Variants in TRIM45 observed in about 807,000 individuals in gnomAD.
The protein encoded by TRIM45 is E3 ubiquitin-protein ligase TRIM45.
TRIM45 carries 45 observed loss-of-function variants against 46.7 expected under a neutral mutation model. The ratio of observed to expected loss-of-function variants is 0.96; its 90% CI spans 0.76 to 1.24. The LOEUF (loss-of-function observed/expected upper bound fraction) is 1.24, where lower values mean the gene tolerates loss of function less well. TRIM45 is among the 50% of genes most tolerant of loss of function. TRIM45 has a pLI of 0.00. For missense variants in TRIM45, 680 were observed against 728.4 expected, an observed-to-expected ratio of 0.93 and a Z score of 0.77; for synonymous variants, 259 against 285.8, an observed-to-expected ratio of 0.91 and a Z score of 0.94.
Position 117,117,574 on chromosome 1 carries a change from A to G in TRIM45, c.1222+460T>C, listed in dbSNP as rs1650448067. 6.6e-6 allele frequency among the ~76,000 whole-genome samples: 1 copy of G among 152,204 alleles called. No homozygotes were observed. Among genetic ancestry groups the G allele is most frequent in the Non-Finnish European group, 1.5e-5 (1 of 68,046 alleles). On this transcript the variant is annotated intron_variant, in intron 2 of 5. Coordinates refer to ENST00000256649, the MANE Select transcript of TRIM45 (RefSeq NM_025188.4). The surrounding 1 kb of genome is among the most constrained non-coding windows in gnomAD (Gnocchi z 4.9). Reference sequence around the variant, plus strand: ...ATCCTTTTAAATGCCAGTAAAGTTGATGTGAACCAAAAAGGGCCTAAAGGA... The same window carrying G: ...ATCCTTTTAAATGCCAGTAAAGTTGGTGTGAACCAAAAAGGGCCTAAAGGA...
intron 1 of TRIM45, 40 bp downstream of exon 1, chr1:117,120,673 TC>T (rs748857417): frequency 6.5e-7 from 1 of 1,541,648 alleles, no homozygotes; most frequent in Non-Finnish European, 8.7e-7. Flanking sequence ...CTCTTTGTAA[TC>T]TGCTCTTAAG....
rs1368785164 is a variant in TRIM45 at position 117,115,106 on chromosome 1, A to G, written c.1467+469T>C. Among the ~76,000 whole-genome samples, 1 of 152,216 alleles carries G rather than the reference A, an allele frequency of 6.6e-6. No homozygotes were observed. The highest frequency in any genetic ancestry group is 1.5e-5 in the Non-Finnish European group (1 of 68,032). On this transcript the variant is annotated intron_variant, in intron 4 of 5. Transcript: ENST00000256649. The surrounding 1 kb of genome is among the most constrained non-coding windows in gnomAD (Gnocchi z 4.2). ...TAGTAACAGAAAAACCTATATGTAA[A>G]ACAGAGTAGAAAATTACATGAGCAG... is the stretch of plus-strand genomic sequence containing the variant.
rs1479989318 is a variant in TRIM45, at chr1:117,116,450, G to A, written c.1352+166C>T. On this transcript the variant is annotated intron_variant, in intron 3 of 5. Transcript: ENST00000256649. The surrounding 1 kb of genome is among the most constrained non-coding windows in gnomAD (Gnocchi z 4.6). ...GACAGGGTGTCCCTATGTTGCCCAG[G>A]CTGGTCTTGAACTCTTGGGCTTAAG... Among the ~76,000 whole-genome samples, 1 of 151,766 alleles carries A rather than the reference G, an allele frequency of 6.6e-6. No individual in the cohort carries two copies. Among genetic ancestry groups the A allele is most frequent in the Non-Finnish European group, 1.5e-5 (1 of 67,936 alleles).
Position 117,112,158 on chromosome 1 carries a change from AC to A in TRIM45, c.*146del. On this transcript the variant is annotated 3_prime_UTR_variant, in exon 6 of 6. Coordinates refer to ENST00000256649, the MANE Select transcript of TRIM45 (RefSeq NM_025188.4). The stretch of plus-strand genomic sequence containing the variant: ...CATCCACAAGTACAATCAGTGAATA[AC>A]TAACAAAAGAGCACTTGAACTCCAG... 1.3e-5 allele frequency: 5 copies of A among 387,496 alleles called. No homozygotes were observed. The highest frequency in any genetic ancestry group is 1.9e-4 in the Admixed American group (2 of 10,566). The allele number at this position is 387,496 out of a possible 1,614,324, so 24.0% of individuals were successfully genotyped here.
At position 117,116,684 on chromosome 1, in the gene TRIM45, T is replaced by G. The variant is rs1398964347; in HGVS notation, c.1284A>C (p.Ala428=). The change falls in exon 3 of 6, where the codon GCA becomes GCC. Residue 428 remains alanine (A), a synonymous_variant. Transcript: ENST00000256649. This position sits in a 1 kb window ranked among gnomAD's most constrained non-coding sequence, Gnocchi z 4.6. ...CTCCTCCCCTGCCCATGATTTCTCCTGCGGCATCCTTACAAAGCAGGGTGA... is the reference window on the plus strand; with the variant it reads ...CTCCTCCCCTGCCCATGATTTCTCCGGCGGCATCCTTACAAAGCAGGGTGA... ...ASFTLLCKDA[A]GEIMGRGGDN... is the part of the protein sequence containing the mutation. The G allele has an allele frequency of 6.2e-7, 1 of 1,614,146 alleles. No homozygotes were observed. Among genetic ancestry groups the G allele is most frequent in the Non-Finnish European group, 8.5e-7 (1 of 1,180,024 alleles).
intron 1 of TRIM45, among the ~76,000 whole-genome samples, chr1:117,119,942 A>G (rs997838131): frequency 3.3e-5 from 5 of 152,208 alleles, no homozygotes; most frequent in Admixed American, 6.5e-5. Context: ...ATGGAAGTAG[A>G]ACCCGAAACC....
rs1489280268 is a variant in TRIM45 at position 117,116,708 on chromosome 1, GAA to G, written c.1258_1259del (p.Phe420HisfsTer5). On this transcript the variant is annotated frameshift_variant, in exon 3 of 6. Transcript: ENST00000256649. LOFTEE classifies it high-confidence loss of function. This position sits in a 1 kb window ranked among gnomAD's most constrained non-coding sequence, Gnocchi z 4.6. ...HRAREKQTAS[F>X]TLLCKDAAGE... ...CTGCGGCATCCTTACAAAGCAGGGT[GAA>G]AGAGGCCGTCTGTTTCTCCCGGGCT... 6.2e-7 allele frequency: 1 copy of G among 1,614,032 alleles called. No individual in the cohort carries two copies. The highest frequency in any genetic ancestry group is 1.3e-5 in the African/African-American group (1 of 74,912).
intron 1 of TRIM45, among the ~76,000 whole-genome samples, chr1:117,120,314 A>G (rs1301662682): frequency 6.6e-6 from 1 of 152,174 alleles, no homozygotes; most frequent in East Asian, 1.9e-4. Context: ...TGTTTCCCCA[A>G]TTAATAAATG....
In TRIM45 at chr1:117,120,778, C is replaced by T. The variant is rs937407945; in HGVS notation, c.424G>A (p.Glu142Lys). The change falls in exon 1 of 6, where the codon GAA becomes AAA. Residue 142 changes from glutamate to lysine, a missense_variant. This residue lies in a region of TRIM45 where 349 missense variants were observed against 343.6 expected (regional missense o/e 1.02). Transcript: ENST00000256649. ...CAGGTCTGACACCTCTTCTCTACTT[C>T]CCTGTCGTTGCACAGGTCACACACC... ...GLVCDLCNDR[E>K]VEKRCQTCKA... The T allele has an allele frequency of 1.3e-5, 21 of 1,614,028 alleles. No homozygotes were observed. The highest frequency in any genetic ancestry group is 4.0e-5 in the African/African-American group (3 of 74,912).
rs1032223326 is a variant in TRIM45, at chr1:117,118,892, ATC to A, written c.489-127_489-126del. On this transcript the variant is annotated intron_variant, in intron 1 of 5. Coordinates refer to ENST00000256649, the MANE Select transcript of TRIM45 (RefSeq NM_025188.4). The surrounding 1 kb of genome is among the most constrained non-coding windows in gnomAD (Gnocchi z 5.7). ...AACCTGATTTCAATTCCTTGCTCTA[ATC>A]TCTAATTGCATGAACCTCTCTGATT... 1 of 1,266,572 alleles carries A rather than the reference ATC, an allele frequency of 7.9e-7. No individual in the cohort carries two copies. Among genetic ancestry groups the A allele is most frequent in the African/African-American group, 1.5e-5 (1 of 66,770 alleles). The allele number at this position is 1,266,572 out of a possible 1,614,324, so 78.5% of individuals were successfully genotyped here. A position where few individuals can be genotyped will look rare whatever the true frequency, so the allele number is the denominator to read the frequency against.
Position 117,116,805 on chromosome 1 carries a change from A to C in TRIM45, c.1223-60T>G. 6 of 1,603,948 alleles carry C rather than the reference A, an allele frequency of 3.7e-6. No individual in the cohort carries two copies. The highest frequency in any genetic ancestry group is 4.3e-6 in the Non-Finnish European group (5 of 1,173,206). ...TGTAAACTGCAGTGACTACATCTCCATCTTGCTTTTTCTCTTCAGAACAAA... is the reference window on the plus strand; with the variant it reads ...TGTAAACTGCAGTGACTACATCTCCCTCTTGCTTTTTCTCTTCAGAACAAA... On this transcript the variant is annotated intron_variant, in intron 2 of 5. Transcript: ENST00000256649. The surrounding 1 kb of genome is among the most constrained non-coding windows in gnomAD (Gnocchi z 4.6).
Position 117,118,467 on chromosome 1 carries a change from G to A in TRIM45, c.789C>T (p.Asn263=). ...EEALAQIHII[N]SALQKRVEAV... is the part of the protein sequence containing the mutation. ...CCTCCACTCGCTTCTGGAGGGCACT[G>A]TTTATTATGTGGATCTGAGCCAGGG... The change falls in exon 2 of 6, where the codon AAC becomes AAT. Residue 263 remains asparagine (N), a synonymous_variant. Coordinates refer to ENST00000256649, the MANE Select transcript of TRIM45 (RefSeq NM_025188.4). This position sits in a 1 kb window ranked among gnomAD's most constrained non-coding sequence, Gnocchi z 5.7. 6 of 1,614,150 alleles carry A rather than the reference G, an allele frequency of 3.7e-6. No individual in the cohort carries two copies. The highest frequency in any genetic ancestry group is 2.2e-5 in the South Asian group (2 of 91,076).
chr1:117,113,400 C>A lies in TRIM45; in HGVS notation c.1553G>T (p.Gly518Val), dbSNP rs759464769. 1.2e-6 allele frequency: 2 copies of A among 1,612,296 alleles called. No homozygotes were observed. The highest frequency in any genetic ancestry group is 4.5e-5 in the East Asian group (2 of 44,886). The stretch of plus-strand genomic sequence containing the variant: ...ACAGGCGCAGCGAGCGGTTTTCTGG[C>A]CCCCGCTGGAGCAGAAGGTGCAGCA... ...FHCCTFCSSGGQKTARCACGG... is the reference protein window; with the variant it reads ...FHCCTFCSSGVQKTARCACGG... Residue 518 changes from glycine (G) to valine (V), a missense_variant, in exon 5 of 6, where the codon GGC becomes GTC. Gly to Val is a moderately radical substitution (Grantham distance 109, BLOSUM62 -3). Coordinates refer to ENST00000256649, the MANE Select transcript of TRIM45 (RefSeq NM_025188.4). This position sits in a 1 kb window ranked among gnomAD's most constrained non-coding sequence, Gnocchi z 4.0.
In TRIM45 at chr1:117,113,316, C is replaced by T; in HGVS notation, c.1594+43G>A. On this transcript the variant is annotated intron_variant, in intron 5 of 5. Coordinates refer to ENST00000256649, the MANE Select transcript of TRIM45 (RefSeq NM_025188.4). The surrounding 1 kb of genome is among the most constrained non-coding windows in gnomAD (Gnocchi z 4.0). ...AGGGAAGGGCCCGTCGCTTGATTCC[C>T]ACTGCTGGCAGAAAGGCCCAGAGGG... 6.2e-7 allele frequency: 1 copy of T among 1,604,390 alleles called. No individual in the cohort carries two copies. Among genetic ancestry groups the T allele is most frequent in the Non-Finnish European group, 8.5e-7 (1 of 1,175,008 alleles).
rs776004485 is a variant in TRIM45 at position 117,117,962 on chromosome 1, C to T, written c.1222+72G>A. 2 of 1,551,132 alleles carry T rather than the reference C, an allele frequency of 1.3e-6. No homozygotes were observed. The highest frequency in any genetic ancestry group is 8.7e-7 in the Non-Finnish European group (1 of 1,146,684). On this transcript the variant is annotated intron_variant, in intron 2 of 5. Transcript: ENST00000256649. The surrounding 1 kb of genome is among the most constrained non-coding windows in gnomAD (Gnocchi z 4.9). ...CAGTAGGGCATGCTTCCTAGCAGAA[C>T]AAGCCACCAATCTTCACACACCACC... is the stretch of plus-strand genomic sequence containing the variant.
chr1:117,115,549 C>G lies in TRIM45; in HGVS notation c.1467+26G>C, dbSNP rs1019472351. The G allele has an allele frequency of 6.5e-7, 1 of 1,535,636 alleles. No homozygotes were observed. Among genetic ancestry groups the G allele is most frequent in the South Asian group, 1.1e-5 (1 of 89,404 alleles). On this transcript the variant is annotated intron_variant, in intron 4 of 5. Transcript: ENST00000256649. This position sits in a 1 kb window ranked among gnomAD's most constrained non-coding sequence, Gnocchi z 4.2. ...CTAAGACAGTAGAATCCAGGGAGCT[C>G]AGGGAAGCACGTGCACCAGTCTTAC...
chr1:117,121,529 C>A lies in TRIM45; in HGVS notation c.-328G>T, dbSNP rs961543401. 4.5e-5 allele frequency: 24 copies of A among 536,654 alleles called. No homozygotes were observed. The highest frequency in any genetic ancestry group is 3.2e-4 in the South Asian group (13 of 40,824). The allele number at this position is 536,654 out of a possible 1,614,324, so 33.2% of individuals were successfully genotyped here. On this transcript the variant is annotated 5_prime_UTR_variant, in exon 1 of 6. The change creates a new upstream start codon in the 5' untranslated region. Coordinates refer to ENST00000256649, the MANE Select transcript of TRIM45 (RefSeq NM_025188.4). This position sits in a 1 kb window ranked among gnomAD's most constrained non-coding sequence, Gnocchi z 4.2. ...GCTGCCAACAAAGTCACCCCTGCACCTCTCGCTCCCTCCACTGCCACCCCC... is the reference window on the plus strand; with the variant it reads ...GCTGCCAACAAAGTCACCCCTGCACATCTCGCTCCCTCCACTGCCACCCCC...
At position 117,112,350 on chromosome 1, in the gene TRIM45, A is replaced by G. The variant is rs1000093782; in HGVS notation, c.1698T>C (p.Gly566=). The G allele has an allele frequency of 1.2e-6, 2 of 1,614,030 alleles. No homozygotes were observed. Among genetic ancestry groups the G allele is most frequent in the African/African-American group, 1.3e-5 (1 of 75,044 alleles). ...GTAGACTCCTCGGTGCGCTCTGCCC[A>G]CCTGTCCATGTGCATTCAGATTTCT... ...FNEKSECTWT[G]GQSAPRSLLR... is the part of the protein sequence containing the mutation. Residue 566 remains glycine (G), a synonymous_variant, in exon 6 of 6, where the codon GGT becomes GGC. Transcript: ENST00000256649.
chr1:117,119,609 GAA>G (rs200320074), intron 1 of TRIM45, among the ~76,000 whole-genome samples: 1 of 133,010 alleles, frequency 7.5e-6, no homozygotes, highest in Non-Finnish European at 1.6e-5. Context: ...CTCCATCTCA[GAA>G]AAAAAAAAAA....
Sources: allele counts gnomAD v4.1 joint callset (sites outside exome capture counted in the v4.1 genomes callset), GRCh38; gene constraint gnomAD v4.1.1; regional missense constraint gnomAD v4.1.1; non-coding constraint Gnocchi (gnomAD v3.1); transcripts MANE v1.5; gene names NCBI Gene and HGNC (gene_info 2026-07-23, HGNC 2026-07-21).